SPAG17: variants seen among roughly 807,000 people sequenced by gnomAD.
The protein encoded by SPAG17 is sperm-associated antigen 17.
SPAG17 carries 169 observed loss-of-function variants against 273.6 expected under a neutral mutation model. The ratio of observed to expected loss-of-function variants is 0.62; its 90% CI spans 0.55 to 0.70. SPAG17 has a LOEUF of 0.70. Ranked by LOEUF, SPAG17 falls within the 30% of genes least tolerant of loss-of-function variation. The probability of loss-of-function intolerance (pLI) is 0.00; values close to 1 mark genes in which losing one functional copy is unlikely to be tolerated. For synonymous variants in SPAG17, 825 were observed against 873.2 expected (o/e 0.94, Z 0.97); for missense variants, 2,557 against 2,627.8 (o/e 0.97, Z 0.59).
intron 3 of SPAG17, among the ~76,000 whole-genome samples, chr1:118,148,325 A>C (rs1478394858): frequency 2.0e-5 from 3 of 152,156 alleles, no homozygotes; most frequent in Non-Finnish European, 2.9e-5. Context: ...AGATCCAAAC[A>C]CTGAGCAACA....
At position 117,990,810 on chromosome 1, in the gene SPAG17, T is replaced by A. The variant is rs369042168; in HGVS notation, c.5521+51A>T. 32 of 1,234,650 alleles carry A rather than the reference T, an allele frequency of 2.6e-5. No individual in the cohort carries two copies. In the African/African-American group the frequency reaches 4.9e-4, roughly 19 times the overall value. 76.5% of individuals were successfully genotyped at this position (1,234,650 alleles called of 1,614,324 possible). ...TGACCGATAAGTGTATTTAAGATGA[T>A]TCCTTTGAAACTTGTAAATATACTG... is the stretch of plus-strand genomic sequence containing the variant. On this transcript the variant is annotated intron_variant, in intron 38 of 48. Coordinates refer to ENST00000336338, the MANE Select transcript of SPAG17 (RefSeq NM_206996.4).
chr1:117,969,396 T>C (rs1654291804), intron 46 of SPAG17, among the ~76,000 whole-genome samples: 1 of 152,088 alleles, frequency 6.6e-6, no homozygotes, highest in Non-Finnish European at 1.5e-5. Context: ...CTGACTAGCA[T>C]GGTGAAACCC....
At chr1:118,006,808 G>C (rs1232845453) in intron 31 of SPAG17, among the ~76,000 whole-genome samples, 2 of 152,188 alleles carry the variant, frequency 1.3e-5, no homozygotes, top group Non-Finnish European at 2.9e-5. Flanking sequence ...CAGTTTTCTA[G>C]TGGGTGTGAA....
In SPAG17 at chr1:118,154,118, C is replaced by T. The variant is rs183187686; in HGVS notation, c.88-2749G>A. 1.6e-4 allele frequency among the ~76,000 whole-genome samples: 25 copies of T among 152,232 alleles called. No individual in the cohort carries two copies. The Middle Eastern group carries it at 0.017, about 104-fold the overall frequency. On this transcript the variant is annotated intron_variant, in intron 1 of 48. Coordinates refer to ENST00000336338, the MANE Select transcript of SPAG17 (RefSeq NM_206996.4). ...GAGACAGTCTGCCCAGGCGAGAGCA[C>T]GTTCAGATTTGTTTAGAGCTCTCTA...
At chr1:118,158,155 T>C (rs1659743274) in intron 1 of SPAG17, among the ~76,000 whole-genome samples, 2 of 152,224 alleles carry the variant, frequency 1.3e-5, no homozygotes. Flanking sequence ...ATGTTTAAAA[T>C]TCTAAAGGAA....
At chr1:118,163,136 A>G (rs1660007927) in intron 1 of SPAG17, among the ~76,000 whole-genome samples, 1 of 152,224 alleles carries the variant, frequency 6.6e-6, no homozygotes, top group Non-Finnish European at 1.5e-5. Context: ...GAGGGTACAA[A>G]TGTGCTTGCC....
intron 1 of SPAG17, among the ~76,000 whole-genome samples, chr1:118,153,357 AT>A (rs1382527079): frequency 3.9e-4 from 60 of 152,354 alleles, no homozygotes; most frequent in African/African-American, 1.4e-3. Flanking sequence ...GTTCAAGGTC[AT>A]TTTGGCAGAA....
chr1:118,041,881 T>G lies in SPAG17; in HGVS notation c.2976A>C (p.Lys992Asn), dbSNP rs888671269. ...GGATCTTGACTTGTTCTTCTTTAGA[T>G]TTCTCCTTGTAAGGTGATTTTTTCT... is the stretch of plus-strand genomic sequence containing the variant. ...SLKKKSPYKEKSKEEQVKIQE... is the reference protein window; with the variant it reads ...SLKKKSPYKENSKEEQVKIQE... The change falls in exon 21 of 49, where the codon AAA (lysine) becomes AAC (asparagine). Residue 992 changes from lysine (K) to asparagine (N), a missense_variant. Transcript: ENST00000336338. The G allele has an allele frequency of 5.0e-6, 8 of 1,613,952 alleles. No homozygotes were observed. Among genetic ancestry groups the G allele is most frequent in the Non-Finnish European group, 6.8e-6 (8 of 1,179,876 alleles).
At chr1:118,113,323 G>C (rs192762717) in intron 4 of SPAG17, among the ~76,000 whole-genome samples, 1 of 152,058 alleles carries the variant, frequency 6.6e-6, no homozygotes. Flanking sequence ...CTAATCCACA[G>C]CATGGTGTCA....
intron 43 of SPAG17, among the ~76,000 whole-genome samples, chr1:117,978,746 A>T (rs1655404586): frequency 6.6e-6 from 1 of 151,878 alleles, no homozygotes; most frequent in Non-Finnish European, 1.5e-5. Context: ...GTTCAATCCC[A>T]TCTTCCTCCC....
rs1327613323 is a variant in SPAG17 at position 118,146,027 on chromosome 1, T to C, written c.315+4516A>G. ...TTGGTAGGCATGGTGACCACCATCA[T>C]GAAATGAAAAGAAACATGAAGTGGA... On this transcript the variant is annotated intron_variant, in intron 3 of 48. Coordinates refer to ENST00000336338, the MANE Select transcript of SPAG17 (RefSeq NM_206996.4). Among the ~76,000 whole-genome samples the C allele has an allele frequency of 2.0e-5, 3 of 152,308 alleles. No homozygotes were observed. In the East Asian group the frequency reaches 5.8e-4, roughly 29 times the overall value.
intron 3 of SPAG17, among the ~76,000 whole-genome samples, chr1:118,117,865 G>A (rs575083077): frequency 9.8e-5 from 15 of 152,286 alleles, no homozygotes; most frequent in Middle Eastern, 3.4e-3. Context: ...CTTTCTGTGC[G>A]TCTCCCAAAG....
At chr1:118,011,446 T>C (rs1303161643) in intron 30 of SPAG17, among the ~76,000 whole-genome samples, 1 of 152,124 alleles carries the variant, frequency 6.6e-6, no homozygotes, top group Non-Finnish European at 1.5e-5. Flanking sequence ...CTGGAGGCCA[T>C]TACCCTTAGC....
intron 47 of SPAG17, chr1:117,965,403 A>C (rs569057222): frequency 7.2e-5 from 11 of 152,372 alleles, no homozygotes; most frequent in Admixed American, 5.2e-4. Flanking sequence ...AACGATGCTT[A>C]AAATTATTAT....
intron 3 of SPAG17, among the ~76,000 whole-genome samples, chr1:118,124,458 A>T (rs1317269500): frequency 6.6e-6 from 1 of 152,238 alleles, no homozygotes; most frequent in Non-Finnish European, 1.5e-5. Context: ...AATCTGATGC[A>T]TATATAGACA....
At chr1:118,131,170 C>A (rs572230707) in intron 3 of SPAG17, among the ~76,000 whole-genome samples, 81 of 152,308 alleles carry the variant, frequency 5.3e-4, no homozygotes, top group African/African-American at 1.9e-3. Context: ...TTTCAAAATT[C>A]TTTTTGTGGC....
intron 48 of SPAG17, chr1:117,958,895 T>C (rs1291106433): frequency 6.2e-7 from 1 of 1,612,094 alleles, no homozygotes; most frequent in East Asian, 2.2e-5. Flanking sequence ...TGGCTGTGTT[T>C]TGTTTTTCTA....
Position 118,025,418 on chromosome 1 carries a change from T to TA in SPAG17, c.3731-3dup. 1 of 1,525,104 alleles carries TA rather than the reference T, an allele frequency of 6.6e-7. No individual in the cohort carries two copies. Among genetic ancestry groups the TA allele is most frequent in the Non-Finnish European group, 8.8e-7 (1 of 1,139,196 alleles). The allele number at this position is 1,525,104 out of a possible 1,614,324, so 94.5% of individuals were successfully genotyped here. Reference sequence around the variant, plus strand: ...GTTCCTCATCTATAACATATTGACCTAAAAAAAGAATAAAGCCTTCTTGTG... The same window carrying TA: ...GTTCCTCATCTATAACATATTGACCTAAAAAAAAGAATAAAGCCTTCTTGTG... On this transcript the variant is annotated splice_region_variant and splice_polypyrimidine_tract_variant and intron_variant, in intron 26 of 48. Coordinates refer to ENST00000336338, the MANE Select transcript of SPAG17 (RefSeq NM_206996.4).
chr1:118,151,466 A>C (rs1360476760), intron 1 of SPAG17, 97 bp from the exon 2 acceptor site: 3 of 1,212,710 alleles, frequency 2.5e-6, no homozygotes, highest in East Asian at 2.7e-5. Flanking sequence ...TTTCCTGTAA[A>C]TCTTACTTGA....
Sources: allele counts gnomAD v4.1 joint callset (sites outside exome capture counted in the v4.1 genomes callset), GRCh38; gene constraint gnomAD v4.1.1; transcripts MANE v1.5; gene names NCBI Gene and HGNC (gene_info 2026-07-23, HGNC 2026-07-21).